PTPRN2: variants seen among roughly 807,000 people sequenced by gnomAD.
The protein encoded by PTPRN2 is receptor-type tyrosine-protein phosphatase N2.
A neutral mutation model predicts 118.8 loss-of-function variants in PTPRN2; 74 were observed. That is an observed-to-expected ratio of 0.62 (90% confidence interval 0.52 to 0.76). The LOEUF is 0.76. Ranked by LOEUF, PTPRN2 falls within the 30% of genes least tolerant of loss-of-function variation. The pLI is 0.00. For synonymous variants in PTPRN2, 641 were observed against 608.0 expected, an observed-to-expected ratio of 1.05 and a Z score of -0.80; for missense variants, 1,481 against 1,394.4, an observed-to-expected ratio of 1.06 and a Z score of -0.99.
rs377645022 is a variant in PTPRN2 at position 158,220,319 on chromosome 7, G to C, written c.278-15046C>G. 6.6e-5 allele frequency among the ~76,000 whole-genome samples: 10 copies of C among 152,224 alleles called. No homozygotes were observed. In the South Asian group the frequency reaches 1.4e-3, roughly 22 times the overall value. ...AACATAGTATTGGAATTCCTAGCCA[G>C]AGCAGTCAGGCAAGGGAAAGAAATA... On this transcript the variant is annotated intron_variant, in intron 3 of 22. Transcript: ENST00000389418.
At chr7:157,748,162 G>A (rs950025532) in intron 12 of PTPRN2, among the ~76,000 whole-genome samples, 2 of 149,708 alleles carry the variant, frequency 1.3e-5, no homozygotes, top group African/African-American at 5.0e-5. Context: ...TCTCTGAGCT[G>A]TAGGGTGTCT....
At chr7:157,865,920 C>G (rs959781506) in intron 12 of PTPRN2, 2 of 152,300 alleles carry the variant, frequency 1.3e-5, no homozygotes, top group Non-Finnish European at 2.9e-5. Flanking sequence ...TCCCCAGCAG[C>G]CAGCACACCC....
At chr7:158,508,074 T>C (rs1017572767) in intron 1 of PTPRN2, among the ~76,000 whole-genome samples, 2 of 151,494 alleles carry the variant, frequency 1.3e-5, no homozygotes, top group African/African-American at 4.9e-5. Flanking sequence ...GTGAGGAACA[T>C]CCAGGGGACA....
intron 2 of PTPRN2, among the ~76,000 whole-genome samples, chr7:158,431,215 T>G (rs1176469965): frequency 1.3e-5 from 2 of 150,994 alleles, no homozygotes; most frequent in African/African-American, 2.4e-5. Flanking sequence ...GGGCCCACAC[T>G]GGCTTACACT....
At chr7:157,608,005 G>C (rs925201550) in intron 15 of PTPRN2, among the ~76,000 whole-genome samples, 12 of 152,184 alleles carry the variant, frequency 7.9e-5, no homozygotes, top group African/African-American at 2.9e-4. Flanking sequence ...TGACTTCGGA[G>C]AGCTCCTACT....
intron 5 of PTPRN2, among the ~76,000 whole-genome samples, chr7:158,174,905 G>T (rs117746444): frequency 7.9e-5 from 12 of 152,084 alleles, no homozygotes; most frequent in South Asian, 2.1e-4. Flanking sequence ...TACTGGGGCC[G>T]GGAGTACCAG....
intron 13 of PTPRN2, among the ~76,000 whole-genome samples, chr7:157,665,957 G>A (rs1796115757): frequency 6.6e-6 from 1 of 152,164 alleles, no homozygotes; most frequent in Non-Finnish European, 1.5e-5. Context: ...ACACAAGGCG[G>A]GGACCATCAC....
At chr7:158,114,084 C>A (rs1421774867) in intron 9 of PTPRN2, among the ~76,000 whole-genome samples, 4 of 152,138 alleles carry the variant, frequency 2.6e-5, no homozygotes, top group Admixed American at 6.5e-5. Flanking sequence ...CCAAACCAAA[C>A]AAAAAAACCC....
At chr7:157,804,670 G>A (rs1563127450) in intron 12 of PTPRN2, among the ~76,000 whole-genome samples, 1 of 152,190 alleles carries the variant, frequency 6.6e-6, no homozygotes, top group Non-Finnish European at 1.5e-5. Context: ...CATGCACACA[G>A]TCTCCCCTCT....
At chr7:157,740,757 T>G (rs1477214950) in intron 12 of PTPRN2, among the ~76,000 whole-genome samples, 1 of 152,204 alleles carries the variant, frequency 6.6e-6, no homozygotes, top group Non-Finnish European at 1.5e-5. Context: ...CTGGCTTCTT[T>G]CCAGCAAGCC....
chr7:157,650,498 C>T (rs1425836539), intron 14 of PTPRN2, among the ~76,000 whole-genome samples: 1 of 152,254 alleles, frequency 6.6e-6, no homozygotes, highest in Admixed American at 6.5e-5. Flanking sequence ...GGAGAGTTCG[C>T]CCTGCGGCCT....
At chr7:157,910,629 C>T (rs942327993) in intron 11 of PTPRN2, among the ~76,000 whole-genome samples, 1 of 152,234 alleles carries the variant, frequency 6.6e-6, no homozygotes, top group Non-Finnish European at 1.5e-5. Flanking sequence ...GTAACCTGAT[C>T]GTTTGTATGC....
At position 157,595,319 on chromosome 7, in the gene PTPRN2, C is replaced by T. The variant is rs960751736; in HGVS notation, c.2419-4G>A. 2 of 1,613,720 alleles carry T rather than the reference C, an allele frequency of 1.2e-6. No homozygotes were observed. The highest frequency in any genetic ancestry group is 3.3e-5 in the Admixed American group (2 of 59,982). On this transcript the variant is annotated splice_polypyrimidine_tract_variant and splice_region_variant and intron_variant, in intron 16 of 22. Coordinates refer to ENST00000389418, the MANE Select transcript of PTPRN2 (RefSeq NM_002847.5). ...GGTTCCTCGGGTCGTGATCCATCTG[C>T]AGAGACAAGACCACACCACAGCGGT...
At chr7:157,649,450 A>G (rs1310131504) in intron 14 of PTPRN2, among the ~76,000 whole-genome samples, 23 of 111,704 alleles carry the variant, frequency 2.1e-4, no homozygotes, top group East Asian at 6.4e-4. Context: ...TCGGTGGGTC[A>G]GACCCATCTA....
At chr7:157,657,751 TACACCACAC>T (rs1795644954) in intron 13 of PTPRN2, among the ~76,000 whole-genome samples, 1 of 33,558 alleles carries the variant, frequency 3.0e-5, no homozygotes, top group Non-Finnish European at 5.8e-5. Context: ...TACACACACA[TACACCACAC>T]ACACCACACA....
rs1011505552 is a variant in PTPRN2, at chr7:157,539,210, G to C, written c.*1504C>G. 6.6e-6 allele frequency: 1 copy of C among 152,138 alleles called. No homozygotes were observed. Among genetic ancestry groups the C allele is most frequent in the Non-Finnish European group, 1.5e-5 (1 of 68,032 alleles). 9.4% of individuals were successfully genotyped at this position (152,138 alleles called of 1,614,324 possible). ...TTCGATTAATTAAATTCCAGATAGA[G>C]AGAAGTAATTTTGGAAAAGAAATGA... On this transcript the variant is annotated 3_prime_UTR_variant, in exon 23 of 23. Transcript: ENST00000389418.
Position 157,617,840 on chromosome 7 carries a change from C to T in PTPRN2, c.2344+3522G>A, listed in dbSNP as rs1802893355. ...GCTCTTCGTTGTCTCTGTCTTGTCT[C>T]TCTGCATTGTTTGTCCTGGTTCTCT... On this transcript the variant is annotated intron_variant, in intron 15 of 22. Transcript: ENST00000389418. This position sits in a 1 kb window ranked among gnomAD's most constrained non-coding sequence, Gnocchi z 7.5. The T allele has an allele frequency of 1.3e-5, 2 of 152,330 alleles. No individual in the cohort carries two copies. The highest frequency in any genetic ancestry group is 4.8e-5 in the African/African-American group (2 of 41,466). 9.4% of individuals were successfully genotyped at this position (152,330 alleles called of 1,614,324 possible).
intron 2 of PTPRN2, among the ~76,000 whole-genome samples, chr7:158,417,963 C>A (rs1814865175): frequency 6.6e-6 from 1 of 150,926 alleles, no homozygotes; most frequent in Non-Finnish European, 1.5e-5. Flanking sequence ...CATCGAGATG[C>A]TCTAGCTCTC....
chr7:157,891,793 C>T (rs997251540), intron 12 of PTPRN2, among the ~76,000 whole-genome samples: 1 of 152,188 alleles, frequency 6.6e-6, no homozygotes, highest in African/African-American at 2.4e-5. Context: ...CAGGGATTCA[C>T]ACCCAACTGC....
Sources: gnomAD v4.1 joint callset for allele counts (sites outside exome capture counted in the v4.1 genomes callset) on GRCh38, gnomAD v4.1.1 for gene constraint, Gnocchi (gnomAD v3.1) non-coding constraint, MANE v1.5 for transcripts, NCBI Gene and HGNC (gene_info 2026-07-23, HGNC 2026-07-21) for gene names.